The following CDH18 variants were observed in gnomAD, a reference collection of about 807,000 sequenced individuals.
The protein encoded by CDH18 is cadherin 18.
CDH18 carries 31 observed loss-of-function variants against 67.9 expected under a neutral mutation model. The ratio of observed to expected loss-of-function variants is 0.46; its 90% CI spans 0.34 to 0.62. The LOEUF (loss-of-function observed/expected upper bound fraction) is 0.62, where lower values mean the gene tolerates loss of function less well. Ranked by LOEUF, CDH18 falls within the 20% of genes least tolerant of loss-of-function variation. The pLI, the probability that CDH18 is intolerant of heterozygous loss-of-function variation, is 0.01. For missense variants in CDH18, 890 were observed against 975.5 expected, an observed-to-expected ratio of 0.91 and a Z score of 1.17; for synonymous variants, 362 against 347.2, an observed-to-expected ratio of 1.04 and a Z score of -0.48.
At chr5:20,500,108 G>A (rs559392948) in intron 1 of CDH18, among the ~76,000 whole-genome samples, 4 of 152,056 alleles carry the variant, frequency 2.6e-5, no homozygotes, top group Non-Finnish European at 4.4e-5. Flanking sequence ...TTTAAAAATT[G>A]TAAAAAATAA....
intron 1 of CDH18, among the ~76,000 whole-genome samples, chr5:20,458,433 C>A (rs1236550496): frequency 6.6e-6 from 1 of 152,130 alleles, no homozygotes; most frequent in East Asian, 1.9e-4. Flanking sequence ...GCCTGACCAA[C>A]ATGGTGAGAT....
chr5:20,026,799 A>C (rs1306068525), intron 2 of CDH18, among the ~76,000 whole-genome samples: 1 of 152,090 alleles, frequency 6.6e-6, no homozygotes, highest in African/African-American at 2.4e-5. Context: ...TCTACTAAAA[A>C]TACAAAAATT....
chr5:19,592,763 T>A (rs1745379096), intron 6 of CDH18, among the ~76,000 whole-genome samples: 2 of 152,262 alleles, frequency 1.3e-5, no homozygotes, highest in South Asian at 2.1e-4. Context: ...TTTCAGCAGA[T>A]CTCTAGGACT....
intron 1 of CDH18, among the ~76,000 whole-genome samples, chr5:20,349,951 C>T (rs996820381): frequency 1.3e-5 from 2 of 152,122 alleles, no homozygotes; most frequent in South Asian, 4.1e-4. Context: ...GATGATGTCA[C>T]AGTTGGCCAA....
At chr5:19,601,646 A>G (rs1747141374) in intron 6 of CDH18, among the ~76,000 whole-genome samples, 1 of 152,146 alleles carries the variant, frequency 6.6e-6, no homozygotes. Context: ...AGACACTAAA[A>G]TAATAGAAAA....
At chr5:20,382,997 G>A (rs1243820460) in intron 1 of CDH18, among the ~76,000 whole-genome samples, 1 of 152,012 alleles carries the variant, frequency 6.6e-6, no homozygotes, top group Non-Finnish European at 1.5e-5. Flanking sequence ...TGAGCCAGCA[G>A]GAGAATTCTA....
chr5:19,914,205 T>C (rs1259239526), intron 2 of CDH18, among the ~76,000 whole-genome samples: 3 of 152,116 alleles, frequency 2.0e-5, no homozygotes, highest in Admixed American at 6.6e-5. Flanking sequence ...GTGTCTTATA[T>C]GCAGTAGGGT....
intron 1 of CDH18, among the ~76,000 whole-genome samples, chr5:20,256,126 T>C (rs1035894378): frequency 1.4e-4 from 21 of 152,114 alleles, no homozygotes; most frequent in Middle Eastern, 6.8e-3. Flanking sequence ...TTGAATATAA[T>C]CCCTAATGTA....
At chr5:20,238,852 T>C (rs1195030763) in intron 2 of CDH18, among the ~76,000 whole-genome samples, 4 of 152,250 alleles carry the variant, frequency 2.6e-5, no homozygotes, top group Middle Eastern at 6.8e-3. Flanking sequence ...ATAAAGGCTA[T>C]GAATATTTCC....
intron 11 of CDH18, among the ~76,000 whole-genome samples, chr5:19,487,451 A>T (rs1373958196): frequency 6.6e-6 from 1 of 152,172 alleles, no homozygotes; most frequent in Non-Finnish European, 1.5e-5. Flanking sequence ...AGACTTTGAG[A>T]CCTTAAAAAA....
chr5:19,504,830 T>G (rs1384119723), intron 10 of CDH18, among the ~76,000 whole-genome samples: 1 of 152,110 alleles, frequency 6.6e-6, no homozygotes, highest in Non-Finnish European at 1.5e-5. Flanking sequence ...TTACTTTTTA[T>G]CCAAGAATCG....
chr5:20,409,918 A>T (rs1053988740), intron 1 of CDH18, among the ~76,000 whole-genome samples: 1 of 151,722 alleles, frequency 6.6e-6, no homozygotes, highest in African/African-American at 2.4e-5. Context: ...CTGGAAATAT[A>T]CAACCTAGCT....
chr5:19,877,217 TA>T (rs542497725), intron 2 of CDH18, among the ~76,000 whole-genome samples: 6 of 148,158 alleles, frequency 4.0e-5, no homozygotes, highest in South Asian at 4.3e-4. Context: ...TTTCAAACTG[TA>T]AAAAAAAAAC....
intron 1 of CDH18, among the ~76,000 whole-genome samples, chr5:20,495,359 A>G (rs62355182): frequency 4.3e-4 from 66 of 152,278 alleles, no homozygotes; most frequent in Non-Finnish European, 9.3e-4. Context: ...AATGTCAATA[A>G]CCTAAAGGAG....
At chr5:20,531,448 T>C (rs558790853) in intron 1 of CDH18, among the ~76,000 whole-genome samples, 2 of 152,226 alleles carry the variant, frequency 1.3e-5, no homozygotes, top group African/African-American at 4.8e-5. Flanking sequence ...TGTATGCTCA[T>C]TGGAGCACTG....
At chr5:19,846,387 G>T (rs1359217140) in intron 2 of CDH18, among the ~76,000 whole-genome samples, 1 of 151,774 alleles carries the variant, frequency 6.6e-6, no homozygotes, top group Non-Finnish European at 1.5e-5. Flanking sequence ...TTATACTTTT[G>T]TCTTTTACCT....
At chr5:19,745,214 C>T (rs1769825466) in intron 4 of CDH18, among the ~76,000 whole-genome samples, 1 of 152,184 alleles carries the variant, frequency 6.6e-6, no homozygotes, top group South Asian at 2.1e-4. Context: ...TTCATGCCTT[C>T]AATCCATATA....
intron 3 of CDH18, among the ~76,000 whole-genome samples, chr5:19,748,112 C>CAAAAAAA (rs766955714): frequency 0.042 from 629 of 14,830 alleles, 122 homozygotes; most frequent in African/African-American, 0.1. Context: ...GACTCCATCT[C>CAAAAAAA]AAAAAAAAAA....
At chr5:20,205,012 G>A (rs962077740) in intron 2 of CDH18, among the ~76,000 whole-genome samples, 1 of 151,840 alleles carries the variant, frequency 6.6e-6, no homozygotes. Context: ...GAACAGAGCT[G>A]CAAAACAACC....
Sources: gnomAD v4.1 joint callset for allele counts (sites outside exome capture counted in the v4.1 genomes callset) on GRCh38, gnomAD v4.1.1 for gene constraint, MANE v1.5 for transcripts, NCBI Gene and HGNC (gene_info 2026-07-23, HGNC 2026-07-21) for gene names.